The following WDFY4 variants were observed in gnomAD, a reference collection of about 807,000 sequenced individuals.
The protein encoded by WDFY4 is WDFY family member 4.
In WDFY4, 169 loss-of-function variants were observed where a neutral mutation model predicts 351.9. The ratio of observed to expected loss-of-function variants is 0.48; its 90% CI spans 0.42 to 0.55. WDFY4 has a LOEUF of 0.55. WDFY4 is among the 20% of genes least tolerant of loss of function. The pLI is 0.00. For missense variants in WDFY4, 3,803 were observed against 3,935.6 expected (o/e 0.97, Z 0.90); for synonymous variants, 1,622 against 1,574.6 (o/e 1.03, Z -0.71).
chr10:48,873,050 A>C (rs2069845315), intron 40 of WDFY4, among the ~76,000 whole-genome samples: 1 of 152,090 alleles, frequency 6.6e-6, no homozygotes. Context: ...AACTGGAAAA[A>C]AGTACATTCA....
At chr10:48,800,013 G>C (rs2067009120) in intron 24 of WDFY4, among the ~76,000 whole-genome samples, 1 of 152,128 alleles carries the variant, frequency 6.6e-6, no homozygotes, top group Admixed American at 6.5e-5. Flanking sequence ...AGCCTCTCGA[G>C]TAGCTGGGAC....
chr10:48,817,053 C>T (rs2067643704), intron 31 of WDFY4, among the ~76,000 whole-genome samples, 192 bp from the exon 32 acceptor site: 1 of 152,140 alleles, frequency 6.6e-6, no homozygotes, highest in South Asian at 2.1e-4. Context: ...TGTATGAAGC[C>T]CTTACAACGT....
chr10:48,821,319 A>G, intron 34 of WDFY4, 143 bp downstream of exon 34: 3 of 639,064 alleles, frequency 4.7e-6, no homozygotes, highest in East Asian at 2.8e-5. Flanking sequence ...ATCATCAACA[A>G]GAACTCCCTG....
At chr10:48,690,895 T>G (rs2063175777) in intron 1 of WDFY4, among the ~76,000 whole-genome samples, 1 of 152,168 alleles carries the variant, frequency 6.6e-6, no homozygotes, top group Non-Finnish European at 1.5e-5. Flanking sequence ...CCACTCTGGT[T>G]TGTGGGTCTG....
chr10:48,807,514 CATA>C (rs1000155096), intron 27 of WDFY4, among the ~76,000 whole-genome samples: 3 of 152,216 alleles, frequency 2.0e-5, no homozygotes, highest in Non-Finnish European at 4.4e-5. Flanking sequence ...TGATTACTTG[CATA>C]ATATCAGTGC....
At position 48,774,479 on chromosome 10, in the gene WDFY4, T is replaced by G; in HGVS notation, c.2575T>G (p.Ser859Ala). The G allele has an allele frequency of 6.4e-7, 1 of 1,551,726 alleles. No homozygotes were observed. The highest frequency in any genetic ancestry group is 1.2e-5 in the South Asian group (1 of 84,066). The change falls in exon 14 of 62, where the codon TCC becomes GCC. Residue 859 changes from serine to alanine, a missense_variant. Physicochemically the swap from Ser to Ala is moderately conservative, Grantham distance 99. This residue lies in a region of WDFY4 where 3,054 missense variants were observed against 3,148.6 expected (regional missense o/e 0.97). Transcript: ENST00000325239. ...TTAGCTTTCCGAGGAGATCCAGTGC[T>G]CCCTGGCCAGTCATATCCAGTCCCT... Reference protein sequence around the residue: ...HPQLSEEIQCSLASHIQSLVK... With the variant: ...HPQLSEEIQCALASHIQSLVK...
intron 39 of WDFY4, among the ~76,000 whole-genome samples, chr10:48,845,503 G>A (rs1310090244): frequency 2.6e-5 from 4 of 152,160 alleles, no homozygotes; most frequent in Non-Finnish European, 5.9e-5. Flanking sequence ...TGGTTTGGAG[G>A]AGCTTGATCT....
rs1294363787 is a variant in WDFY4 at position 48,805,283 on chromosome 10, C to T, written c.4508C>T (p.Ala1503Val). ...AGGGAAGGACCCAGGAATGCTGAAG[C>T]TGCCCACCAGGCACAGCTTATACCC... is the stretch of plus-strand genomic sequence containing the variant. ...SPREGPRNAE[A>V]AHQAQLIPKL... The change falls in exon 26 of 62, where the codon GCT (alanine) becomes GTT (valine). Residue 1503 changes from alanine (A) to valine (V), a missense_variant. Ala to Val is a moderately conservative substitution (Grantham distance 64). This residue lies in a region of WDFY4 where 3,054 missense variants were observed against 3,148.6 expected (regional missense o/e 0.97). Coordinates refer to ENST00000325239, the MANE Select transcript of WDFY4 (RefSeq NM_001394531.1). 1.6e-5 allele frequency: 24 copies of T among 1,545,374 alleles called. 1 individual carries two copies. The Admixed American group carries it at 4.7e-4, about 30-fold the overall frequency.
intron 60 of WDFY4, among the ~76,000 whole-genome samples, chr10:48,980,923 G>A (rs2137909): frequency 0.45 from 68,189 of 152,088 alleles, 15,620 homozygotes; most frequent in Non-Finnish European, 0.51. Flanking sequence ...TTAATTACTG[G>A]TTGTGGCGTG....
intron 12 of WDFY4, among the ~76,000 whole-genome samples, chr10:48,746,781 TATCCTTCCAATTAAGACACCAA>T (rs1340505165): frequency 6.6e-6 from 1 of 152,204 alleles, no homozygotes; most frequent in Admixed American, 6.5e-5. Context: ...ACAGTATCTT[TATCCTTCCAATTAAGACACCAA>T]GACCTTAAAA....
intron 7 of WDFY4, 118 bp from the exon 8 acceptor site, chr10:48,729,314 T>C (rs2064375653): frequency 1.4e-6 from 2 of 1,430,872 alleles, no homozygotes; most frequent in Non-Finnish European, 1.9e-6. Flanking sequence ...GGTGCAGACC[T>C]GTGGGGTCTT....
intron 39 of WDFY4, among the ~76,000 whole-genome samples, chr10:48,866,871 T>C (rs1002640580): frequency 6.6e-6 from 1 of 152,184 alleles, no homozygotes; most frequent in Non-Finnish European, 1.5e-5. Context: ...TTGGTCAGTA[T>C]AGAGACGTTC....
In WDFY4 at chr10:48,806,075, C is replaced by T; in HGVS notation, c.4718C>T (p.Ala1573Val). The change falls in exon 27 of 62, where the codon GCC (alanine) becomes GTC (valine). Residue 1573 changes from alanine to valine, a missense_variant. By Grantham distance (64) the Ala-to-Val change is moderately conservative. This residue lies in a region of WDFY4 where 3,054 missense variants were observed against 3,148.6 expected (regional missense o/e 0.97). Coordinates refer to ENST00000325239, the MANE Select transcript of WDFY4 (RefSeq NM_001394531.1). ...VNERQICMDG[A>V]LDPSLPAGSQ... ...GAGAGGCAGATCTGCATGGACGGAG[C>T]CCTGGACCCTTCCCTGCCTGGTGAG... 1 of 1,551,668 alleles carries T rather than the reference C, an allele frequency of 6.4e-7. No homozygotes were observed. The highest frequency in any genetic ancestry group is 8.7e-7 in the Non-Finnish European group (1 of 1,146,986).
Position 48,805,372 on chromosome 10 carries a change from A to G in WDFY4, c.4597A>G (p.Ile1533Val). The change falls in exon 26 of 62, where the codon ATC (isoleucine) becomes GTC (valine). Residue 1533 changes from isoleucine (I) to valine (V), a missense_variant. Transcript: ENST00000325239. The stretch of plus-strand genomic sequence containing the variant: ...CTCCAAGATCTCCACCATCATTGGC[A>G]TCCTGGCCTGTCAGCTGAGGGGCCA... ...IPSKISTIIGILACQLRGHFS... is the reference protein window; with the variant it reads ...IPSKISTIIGVLACQLRGHFS... 2 of 1,549,698 alleles carry G rather than the reference A, an allele frequency of 1.3e-6. No homozygotes were observed. The highest frequency in any genetic ancestry group is 1.7e-6 in the Non-Finnish European group (2 of 1,147,012).
In WDFY4 at chr10:48,890,565, C is replaced by T. The variant is rs760826860; in HGVS notation, c.7168-14C>T. 1.9e-6 allele frequency: 3 copies of T among 1,551,532 alleles called. No homozygotes were observed. In the African/African-American group the frequency reaches 4.1e-5, roughly 21 times the overall value. On this transcript the variant is annotated splice_polypyrimidine_tract_variant and intron_variant, in intron 43 of 61. Transcript: ENST00000325239. Reference sequence around the variant, plus strand: ...TCCTGTGCACCACCTGACTCTGCCACTCTCTCCTTCCAGGTGACGCAGAAG... The same window carrying T: ...TCCTGTGCACCACCTGACTCTGCCATTCTCTCCTTCCAGGTGACGCAGAAG...
At chr10:48,694,301 T>A (rs1220196988) in intron 1 of WDFY4, among the ~76,000 whole-genome samples, 1 of 152,100 alleles carries the variant, frequency 6.6e-6, no homozygotes, top group Non-Finnish European at 1.5e-5. Context: ...CCTGCTCATA[T>A]CCCTCCTAGT....
intron 33 of WDFY4, 80 bp downstream of exon 33, chr10:48,820,517 A>G (rs2067784869): frequency 1.4e-6 from 2 of 1,427,712 alleles, no homozygotes; most frequent in Admixed American, 2.2e-5. Context: ...GGATGCACCC[A>G]GGGAGACAGA....
intron 47 of WDFY4, chr10:48,913,785 C>A (rs536518606): frequency 6.2e-7 from 1 of 1,613,868 alleles, no homozygotes; most frequent in Non-Finnish European, 8.5e-7. Context: ...GTTCACAGCG[C>A]GGATGTTCTT....
rs1175363087 is a variant in WDFY4, at chr10:48,900,218, C to T, written c.7438-3C>T. 6.4e-7 allele frequency: 1 copy of T among 1,551,016 alleles called. No individual in the cohort carries two copies. Among genetic ancestry groups the T allele is most frequent in the South Asian group, 1.2e-5 (1 of 83,934 alleles). ...GAGCATTAAAAGGGGCTTCTCTTCA[C>T]AGGACATCGCCCTGGAGATCTTCTT... On this transcript the variant is annotated splice_polypyrimidine_tract_variant and splice_region_variant and intron_variant, in intron 45 of 61. Coordinates refer to ENST00000325239, the MANE Select transcript of WDFY4 (RefSeq NM_001394531.1).
Sources: allele counts gnomAD v4.1 joint callset (sites outside exome capture counted in the v4.1 genomes callset), GRCh38; gene constraint gnomAD v4.1.1; regional missense constraint gnomAD v4.1.1; transcripts MANE v1.5; gene names NCBI Gene and HGNC (gene_info 2026-07-23, HGNC 2026-07-21).